The following ARHGAP17 variants were observed in gnomAD, a reference collection of about 807,000 sequenced individuals.
ARHGAP17 encodes the protein Rho GTPase activating protein 17.
ARHGAP17 carries 57 observed loss-of-function variants against 99.5 expected under a neutral mutation model. That is an observed-to-expected ratio of 0.57 (90% CI 0.46 to 0.71). ARHGAP17 has a LOEUF of 0.71. Among genes scored for constraint, ARHGAP17 ranks in the 30% least tolerant of loss-of-function variants. The pLI is 0.00. For synonymous variants in ARHGAP17, 417 were observed against 429.6 expected (o/e 0.97, Z 0.36); for missense variants, 1,000 against 1,122.4 (o/e 0.89, Z 1.56).
At chr16:24,925,609 A>T (rs146758398) in intron 19 of ARHGAP17, among the ~76,000 whole-genome samples, 1 of 152,328 alleles carries the variant, frequency 6.6e-6, no homozygotes, top group African/African-American at 2.4e-5. Flanking sequence ...AATAAACTGC[A>T]AGTAGAAACA....
intron 10 of ARHGAP17, 141 bp downstream of exon 10, chr16:24,954,462 T>C (rs2051743559): frequency 1.7e-6 from 2 of 1,209,442 alleles, no homozygotes; most frequent in African/African-American, 1.5e-5. Context: ...GACAAAAGCT[T>C]GAAAGCCACT....
chr16:24,954,922 G>A (rs985431468), intron 9 of ARHGAP17, 192 bp from the exon 10 acceptor site: 28 of 739,614 alleles, frequency 3.8e-5, no homozygotes, highest in Middle Eastern at 3.8e-4. Context: ...AGGCTGGGGC[G>A]GTTACTTGTG....
intron 1 of ARHGAP17, among the ~76,000 whole-genome samples, chr16:24,981,521 T>C (rs1048755618): frequency 3.3e-5 from 5 of 152,142 alleles, no homozygotes; most frequent in African/African-American, 1.2e-4. Context: ...AGTAACTAAT[T>C]TGATAACCCA....
At chr16:24,941,186 A>C (rs1185177931) in intron 16 of ARHGAP17, among the ~76,000 whole-genome samples, 1 of 152,352 alleles carries the variant, frequency 6.6e-6, no homozygotes, top group Admixed American at 6.5e-5. Context: ...CCTCACTATA[A>C]GACTGAGCAA....
chr16:24,945,577 ACCT>A (rs2051447128), intron 14 of ARHGAP17, among the ~76,000 whole-genome samples: 1 of 152,018 alleles, frequency 6.6e-6, no homozygotes, highest in African/African-American at 2.4e-5. Flanking sequence ...ACTGCCTCAA[ACCT>A]CTCCTCTCCT....
intron 9 of ARHGAP17, among the ~76,000 whole-genome samples, chr16:24,958,169 C>A (rs868857020): frequency 8.5e-5 from 13 of 152,096 alleles, no homozygotes; most frequent in African/African-American, 2.2e-4. Flanking sequence ...AGGGAAAATA[C>A]CCTTGGGAAA....
chr16:25,003,031 T>A (rs1250462553), intron 1 of ARHGAP17, among the ~76,000 whole-genome samples: 1 of 88,318 alleles, frequency 1.1e-5, no homozygotes, highest in East Asian at 4.0e-4. Context: ...AGAGCGAGAC[T>A]CCGTCTCAAA....
At chr16:24,982,793 G>A (rs949559398) in intron 1 of ARHGAP17, among the ~76,000 whole-genome samples, 9 of 150,966 alleles carry the variant, frequency 6.0e-5, no homozygotes, top group Non-Finnish European at 1.2e-4. Context: ...GGCCATGTAC[G>A]TAGGCCACAG....
intron 1 of ARHGAP17, among the ~76,000 whole-genome samples, chr16:25,014,831 C>T (rs1160851864): frequency 1.3e-5 from 2 of 152,228 alleles, no homozygotes; most frequent in African/African-American, 2.4e-5. Flanking sequence ...ACAGAAGTCA[C>T]CGTTGTTGAG....
Position 24,939,497 on chromosome 16 carries a change from C to G in ARHGAP17, c.1591G>C (p.Asp531His). 6.2e-7 allele frequency: 1 copy of G among 1,611,824 alleles called. No homozygotes were observed. Among genetic ancestry groups the G allele is most frequent in the East Asian group, 2.2e-5 (1 of 44,844 alleles). ...CCAGCGGGCACCACGGTGCTGCCATCTGTGGGCGGAAGTGGCGGCTGGAAA... is the reference window on the plus strand; with the variant it reads ...CCAGCGGGCACCACGGTGCTGCCATGTGTGGGCGGAAGTGGCGGCTGGAAA... Reference protein sequence around the residue: ...PAFQPPLPPTDGSTVVPAGPE... With the variant: ...PAFQPPLPPTHGSTVVPAGPE... The change falls in exon 17 of 20, where the codon GAT (aspartate) becomes CAT (histidine). Residue 531 changes from aspartate to histidine, a missense_variant. By Grantham distance (81) the Asp-to-His change is moderately conservative (BLOSUM62 -1). This residue lies in a region of ARHGAP17 where 528 missense variants were observed against 511.4 expected (regional missense o/e 1.03). Transcript: ENST00000289968.
intron 19 of ARHGAP17, 121 bp from the exon 20 acceptor site, chr16:24,920,381 C>T: frequency 7.8e-7 from 1 of 1,279,120 alleles, no homozygotes; most frequent in Non-Finnish European, 1.1e-6. Flanking sequence ...CACACAGGGT[C>T]CCTTGCGAGA....
At chr16:24,942,272 C>T (rs2051335894) in intron 15 of ARHGAP17, 129 bp from the exon 16 acceptor site, 1 of 876,812 alleles carries the variant, frequency 1.1e-6, no homozygotes, top group East Asian at 2.6e-5. Flanking sequence ...AAAGTGGAAG[C>T]TCCAGGCACT....
At chr16:25,011,557 C>T (rs1017063872) in intron 1 of ARHGAP17, among the ~76,000 whole-genome samples, 3 of 152,198 alleles carry the variant, frequency 2.0e-5, no homozygotes, top group Non-Finnish European at 4.4e-5. Context: ...ATACAAAAAT[C>T]AGTCGGGCAT....
chr16:25,001,444 C>T (rs931184544), intron 1 of ARHGAP17, among the ~76,000 whole-genome samples: 9 of 152,134 alleles, frequency 5.9e-5, no homozygotes, highest in African/African-American at 2.2e-4. Flanking sequence ...CAATAAACAT[C>T]ATTTGAATAA....
intron 1 of ARHGAP17, among the ~76,000 whole-genome samples, chr16:25,005,120 T>C (rs1367878835): frequency 6.6e-6 from 1 of 152,220 alleles, no homozygotes; most frequent in East Asian, 1.9e-4. Flanking sequence ...TTTACCATAT[T>C]GGTCAGGCTG....
intron 3 of ARHGAP17, among the ~76,000 whole-genome samples, chr16:24,975,206 T>C (rs1417704070): frequency 2.6e-5 from 4 of 152,190 alleles, no homozygotes; most frequent in East Asian, 3.9e-4. Context: ...CCAGCCTGCA[T>C]AAAAGGGTGG....
At chr16:25,003,230 C>CTTTTTTT (rs564573463) in intron 1 of ARHGAP17, among the ~76,000 whole-genome samples, 6 of 90,742 alleles carry the variant, frequency 6.6e-5, no homozygotes, top group Non-Finnish European at 1.4e-4. Flanking sequence ...AGCTTTAAAG[C>CTTTTTTT]TTTTTTTTTT....
At chr16:24,937,834 T>G (rs1195171814) in intron 17 of ARHGAP17, among the ~76,000 whole-genome samples, 1 of 152,216 alleles carries the variant, frequency 6.6e-6, no homozygotes, top group Admixed American at 6.5e-5. Context: ...GAAATAAACG[T>G]GTGGATAAAC....
At chr16:24,979,902 G>C (rs1597446256) in intron 1 of ARHGAP17, among the ~76,000 whole-genome samples, 1 of 152,264 alleles carries the variant, frequency 6.6e-6, no homozygotes, top group South Asian at 2.1e-4. Flanking sequence ...GAAGAGACAG[G>C]GTTTTGCCAT....
Sources: allele counts gnomAD v4.1 joint callset (sites outside exome capture counted in the v4.1 genomes callset), GRCh38; gene constraint gnomAD v4.1.1; regional missense constraint gnomAD v4.1.1; transcripts MANE v1.5; gene names NCBI Gene and HGNC (gene_info 2026-07-23, HGNC 2026-07-21).